Variants in CHD2 observed in about 807,000 individuals in gnomAD.
CHD2 encodes the protein chromodomain helicase DNA binding protein 2, also known as ATP-dependent chromatin remodeler CHD2.
A neutral mutation model predicts 243.9 loss-of-function variants in CHD2; 28 were observed. The ratio of observed to expected loss-of-function variants is 0.11; its 90% CI spans 0.09 to 0.16. The LOEUF is 0.16. Among genes scored for constraint, CHD2 ranks in the 10% least tolerant of loss-of-function variants. The pLI, the probability that CHD2 is intolerant of heterozygous loss-of-function variation, is 1.00. For missense variants in CHD2, 1,386 were observed against 2,209.8 expected (o/e 0.63, Z 7.47); for synonymous variants, 775 against 779.0 (o/e 0.99, Z 0.09).
At chr15:92,948,343 T>G (rs1235061872) in intron 12 of CHD2, among the ~76,000 whole-genome samples, 1 of 152,176 alleles carries the variant, frequency 6.6e-6, no homozygotes, top group African/African-American at 2.4e-5. Flanking sequence ...GATAGTTGTT[T>G]CTGAAAAATA....
chr15:92,907,529 T>C (rs2052645346), intron 2 of CHD2, among the ~76,000 whole-genome samples: 2 of 152,352 alleles, frequency 1.3e-5, no homozygotes, highest in South Asian at 4.1e-4. Flanking sequence ...TATGCTTAAC[T>C]GTTACCTCTG....
At chr15:92,929,248 A>T (rs1356191242) in intron 5 of CHD2, among the ~76,000 whole-genome samples, 157 bp downstream of exon 5, 1 of 152,130 alleles carries the variant, frequency 6.6e-6, no homozygotes, top group Non-Finnish European at 1.5e-5. Flanking sequence ...GACCTGTTGC[A>T]ATAGCAGCAG....
chr15:92,905,027 CTA>C, intron 2 of CHD2: 1 of 1,526,430 alleles, frequency 6.6e-7, no homozygotes, highest in Non-Finnish European at 8.8e-7. Flanking sequence ...GTGCTAAGTA[CTA>C]TATATTTAAG....
chr15:92,926,589 T>C (rs1361136055), intron 3 of CHD2, among the ~76,000 whole-genome samples: 1 of 152,202 alleles, frequency 6.6e-6, no homozygotes, highest in Non-Finnish European at 1.5e-5. Context: ...AAATCACTGG[T>C]GAGGATTGTT....
chr15:93,017,913 G>A (rs376860867), intron 37 of CHD2, among the ~76,000 whole-genome samples: 6 of 152,166 alleles, frequency 3.9e-5, no homozygotes, highest in South Asian at 2.1e-4. Flanking sequence ...TTTTGTATAC[G>A]ATGTCACTTA....
At chr15:92,940,389 G>A (rs549764711) in intron 7 of CHD2, among the ~76,000 whole-genome samples, 2 of 152,132 alleles carry the variant, frequency 1.3e-5, no homozygotes, top group Non-Finnish European at 2.9e-5. Context: ...GGAGGTTGCA[G>A]TGAGTTGAGA....
chr15:92,998,153 A>G lies in CHD2; in HGVS notation c.3886-346A>G. The stretch of plus-strand genomic sequence containing the variant: ...TAAAACGAAGCTTTAACCTAGCTCC[A>G]GGGATTCCCTGCTCCTGGAAGGAGG... On this transcript the variant is annotated intron_variant, in intron 30 of 38. Coordinates refer to ENST00000394196, the MANE Select transcript of CHD2 (RefSeq NM_001271.4). This position sits in a 1 kb window ranked among gnomAD's most constrained non-coding sequence, Gnocchi z 5.1. 8 of 1,025,412 alleles carry G rather than the reference A, an allele frequency of 7.8e-6. No homozygotes were observed. Among genetic ancestry groups the G allele is most frequent in the Non-Finnish European group, 9.4e-6 (8 of 854,546 alleles). 63.5% of individuals were successfully genotyped at this position (1,025,412 alleles called of 1,614,324 possible). A position where few individuals can be genotyped will look rare whatever the true frequency, so the allele number is the denominator to read the frequency against.
chr15:92,925,702 C>A (rs542331147), intron 3 of CHD2, among the ~76,000 whole-genome samples: 3 of 152,226 alleles, frequency 2.0e-5, no homozygotes, highest in African/African-American at 7.2e-5. Context: ...ATGTTTACTG[C>A]CTCTACCTAT....
At chr15:92,973,581 T>C (rs773148615) in intron 19 of CHD2, among the ~76,000 whole-genome samples, 1 of 152,208 alleles carries the variant, frequency 6.6e-6, no homozygotes, top group Non-Finnish European at 1.5e-5. Context: ...GGCATTGTTA[T>C]ATCCATAATA....
chr15:93,014,173 T>G (rs1273624917), intron 36 of CHD2, among the ~76,000 whole-genome samples: 1 of 152,210 alleles, frequency 6.6e-6, no homozygotes, highest in Non-Finnish European at 1.5e-5. Context: ...ATTCCCTTGC[T>G]GGTTAGGATT....
At chr15:92,927,198 T>TG (rs757371171) in intron 3 of CHD2, 46 bp from the exon 4 acceptor site, 1 of 1,317,388 alleles carries the variant, frequency 7.6e-7, no homozygotes, top group Non-Finnish European at 1.1e-6. Flanking sequence ...ATAATAATAA[T>TG]GGGGGTCAAG....
chr15:92,987,650 T>A (rs1035285127), intron 26 of CHD2, among the ~76,000 whole-genome samples: 2 of 151,970 alleles, frequency 1.3e-5, no homozygotes, highest in Non-Finnish European at 2.9e-5. Context: ...TAAAATTTTT[T>A]AAAAATATTT....
intron 33 of CHD2, among the ~76,000 whole-genome samples, chr15:93,003,418 TA>T (rs1476180939): frequency 6.6e-6 from 1 of 152,218 alleles, no homozygotes; most frequent in Admixed American, 6.5e-5. Context: ...CATACTGTGA[TA>T]AATAACCTGT....
intron 16 of CHD2, among the ~76,000 whole-genome samples, chr15:92,958,748 A>T (rs1292475409): frequency 6.6e-6 from 1 of 152,238 alleles, no homozygotes; most frequent in Non-Finnish European, 1.5e-5. Context: ...GAATGAACAC[A>T]ACCATTCTGT....
At chr15:92,949,109 A>T in intron 13 of CHD2, 33 bp downstream of exon 13, 1 of 1,600,820 alleles carries the variant, frequency 6.2e-7, no homozygotes, top group South Asian at 1.1e-5. Context: ...AATTTTCCTT[A>T]CTGTTTCTGG....
intron 31 of CHD2, among the ~76,000 whole-genome samples, 160 bp from the exon 32 acceptor site, chr15:93,000,352 G>C (rs144617799): frequency 6.6e-6 from 1 of 152,058 alleles, no homozygotes; most frequent in Non-Finnish European, 1.5e-5. Flanking sequence ...GTTTTGGTTT[G>C]GTCTTGTGAG....
chr15:92,913,365 G>A (rs2052776157), intron 2 of CHD2, among the ~76,000 whole-genome samples: 1 of 152,156 alleles, frequency 6.6e-6, no homozygotes, highest in Non-Finnish European at 1.5e-5. Context: ...TAAATAAAAT[G>A]ATACTTCTAG....
Position 92,991,449 on chromosome 15 carries a change from AAT to A in CHD2, c.3414-24_3414-23del, listed in dbSNP as rs761678665. Reference sequence around the variant, plus strand: ...AACTAAAGTAAGTCTCTGTTTTTTTAATATGTTTTATTGATCCTATTCTTAGG... The same window carrying A: ...AACTAAAGTAAGTCTCTGTTTTTTTAATGTTTTATTGATCCTATTCTTAGG... On this transcript the variant is annotated intron_variant, in intron 26 of 38. Transcript: ENST00000394196. 9 of 1,549,816 alleles carry A rather than the reference AAT, an allele frequency of 5.8e-6. No individual in the cohort carries two copies. The African/African-American group carries it at 6.9e-5, about 12-fold the overall frequency.
Position 93,000,444 on chromosome 15 carries a change from A to C in CHD2, c.4009-68A>C, listed in dbSNP as rs552518921. ...GCTGCTACTGCTTTAAAGAGTCATCATGTTGTTTGGTTATGCTTTTGAGTG... is the reference window on the plus strand; with the variant it reads ...GCTGCTACTGCTTTAAAGAGTCATCCTGTTGTTTGGTTATGCTTTTGAGTG... On this transcript the variant is annotated intron_variant, in intron 31 of 38. Transcript: ENST00000394196. 17 of 1,456,684 alleles carry C rather than the reference A, an allele frequency of 1.2e-5. No individual in the cohort carries two copies. In the Admixed American group the frequency reaches 3.4e-4, roughly 29 times the overall value. The allele number at this position is 1,456,684 out of a possible 1,614,324, so 90.2% of individuals were successfully genotyped here.
Sources: gnomAD v4.1 joint callset for allele counts (sites outside exome capture counted in the v4.1 genomes callset) on GRCh38, gnomAD v4.1.1 for gene constraint, Gnocchi (gnomAD v3.1) non-coding constraint, MANE v1.5 for transcripts, NCBI Gene and HGNC (gene_info 2026-07-23, HGNC 2026-07-21) for gene names.